PPARGC1A: variants seen among roughly 807,000 people sequenced by gnomAD.
The protein encoded by PPARGC1A is PPARG coactivator 1 alpha, also known as peroxisome proliferator-activated receptor gamma coactivator 1-alpha.
A neutral mutation model predicts 88.7 loss-of-function variants in PPARGC1A; 25 were observed. The ratio of observed to expected loss-of-function variants is 0.28; its 90% CI spans 0.21 to 0.39. The LOEUF (loss-of-function observed/expected upper bound fraction) is 0.39. PPARGC1A is among the 10% of genes least tolerant of loss of function. PPARGC1A has a pLI of 1.00. For synonymous variants in PPARGC1A, 363 were observed against 355.6 expected (o/e 1.02, Z -0.24); for missense variants, 880 against 968.7 (o/e 0.91, Z 1.22).
chr4:24,033,705 T>G, the PPARGC1A span, among the ~76,000 whole-genome samples: 2 of 152,206 alleles, frequency 1.3e-5, no homozygotes, highest in East Asian at 1.9e-4. Context: ...GAGTGGATGA[T>G]AGAGGGAAAA....
the PPARGC1A span, among the ~76,000 whole-genome samples, chr4:24,280,559 G>A: frequency 1.3e-5 from 2 of 152,158 alleles, no homozygotes; most frequent in African/African-American, 4.8e-5. Flanking sequence ...AAGGGAAGGA[G>A]AGAGGAAAGA....
the PPARGC1A span, among the ~76,000 whole-genome samples, chr4:24,236,907 G>C: frequency 6.6e-6 from 1 of 152,202 alleles, no homozygotes; most frequent in Non-Finnish European, 1.5e-5. Flanking sequence ...AGCGGGACTG[G>C]AAGGCCAATA....
chr4:24,004,325 T>C, the PPARGC1A span, among the ~76,000 whole-genome samples: 1 of 152,164 alleles, frequency 6.6e-6, no homozygotes, highest in Non-Finnish European at 1.5e-5. Flanking sequence ...AGAAGTGGCA[T>C]GAATGAACTG....
At chr4:24,114,635 A>G in the PPARGC1A span, among the ~76,000 whole-genome samples, 1 of 152,192 alleles carries the variant, frequency 6.6e-6, no homozygotes, top group South Asian at 2.1e-4. Flanking sequence ...CGCAGGGTTG[A>G]ATATATGGCT....
At chr4:24,006,491 G>A in the PPARGC1A span, among the ~76,000 whole-genome samples, 4 of 152,220 alleles carry the variant, frequency 2.6e-5, no homozygotes, top group Admixed American at 6.5e-5. Context: ...CTTAACATTG[G>A]CTCAAACCAT....
the PPARGC1A span, among the ~76,000 whole-genome samples, chr4:24,299,360 A>G: frequency 1.3e-5 from 2 of 152,166 alleles, no homozygotes; most frequent in African/African-American, 4.8e-5. Context: ...TATTAACATC[A>G]CAATGTTAAA....
At chr4:24,182,037 G>T in the PPARGC1A span, among the ~76,000 whole-genome samples, 14 of 152,128 alleles carry the variant, frequency 9.2e-5, no homozygotes, top group African/African-American at 3.4e-4. Flanking sequence ...GAACGTGCAG[G>T]TTTTTGCATA....
At chr4:24,449,251 A>C in the PPARGC1A span, among the ~76,000 whole-genome samples, 1 of 152,172 alleles carries the variant, frequency 6.6e-6, no homozygotes, top group Non-Finnish European at 1.5e-5. Flanking sequence ...GATGGATTTG[A>C]GGGTCTTCTA....
the PPARGC1A span, among the ~76,000 whole-genome samples, chr4:24,425,291 C>T: frequency 6.6e-6 from 1 of 152,132 alleles, no homozygotes; most frequent in South Asian, 2.1e-4. Flanking sequence ...CACATTATAA[C>T]ATAATAGCCA....
At chr4:24,403,200 C>A in the PPARGC1A span, among the ~76,000 whole-genome samples, 7 of 152,172 alleles carry the variant, frequency 4.6e-5, no homozygotes, top group East Asian at 1.3e-3. Context: ...ATGCCACTCT[C>A]CCACCTCCCA....
At chr4:23,892,887 C>G (rs1420969096), upstream of PPARGC1A, among the ~76,000 whole-genome samples, 1 of 152,076 alleles carries the variant, frequency 6.6e-6, no homozygotes, top group Non-Finnish European at 1.5e-5. Context: ...TATGAAAAAC[C>G]AACGTCACTT....
the PPARGC1A span, among the ~76,000 whole-genome samples, chr4:24,270,165 A>G: frequency 6.6e-6 from 1 of 152,146 alleles, no homozygotes; most frequent in South Asian, 2.1e-4. Context: ...AATTTACACC[A>G]TCTGCTATCT....
chr4:24,241,793 G>T, the PPARGC1A span, among the ~76,000 whole-genome samples: 2 of 152,202 alleles, frequency 1.3e-5, no homozygotes, highest in Admixed American at 1.3e-4. Context: ...TTTATAAATA[G>T]TACTCTGCTT....
the PPARGC1A span, among the ~76,000 whole-genome samples, chr4:23,946,480 G>A: frequency 4.6e-5 from 7 of 151,978 alleles, no homozygotes; most frequent in South Asian, 4.1e-4. Context: ...ATGGCCTCGC[G>A]CTGCTACAAA....
At chr4:24,003,302 A>G in the PPARGC1A span, among the ~76,000 whole-genome samples, 2 of 152,320 alleles carry the variant, frequency 1.3e-5, no homozygotes, top group South Asian at 2.1e-4. Context: ...CTGAAAGGGA[A>G]AATACCAAGG....
chr4:23,903,611 A>G (rs1391619987), upstream of PPARGC1A, among the ~76,000 whole-genome samples: 1 of 152,152 alleles, frequency 6.6e-6, no homozygotes, highest in Non-Finnish European at 1.5e-5. Flanking sequence ...TTCCTTAAGG[A>G]GCTACATTTA....
At chr4:24,158,639 A>C in the PPARGC1A span, among the ~76,000 whole-genome samples, 2 of 152,200 alleles carry the variant, frequency 1.3e-5, no homozygotes, top group Non-Finnish European at 2.9e-5. Flanking sequence ...CCAATTCCTC[A>C]TTATCTCTGG....
chr4:24,149,329 G>A, the PPARGC1A span, among the ~76,000 whole-genome samples: 12 of 151,718 alleles, frequency 7.9e-5, no homozygotes, highest in Non-Finnish European at 1.6e-4. Context: ...CAAAACCAAA[G>A]TAAGCAGTAT....
intron 2 of PPARGC1A, among the ~76,000 whole-genome samples, chr4:23,873,060 G>A (rs1429803309): frequency 6.6e-6 from 1 of 151,844 alleles, no homozygotes; most frequent in Non-Finnish European, 1.5e-5. Context: ...CAGTCATGGT[G>A]GCAGGCACCT....
Sources: allele counts gnomAD v4.1 joint callset (sites outside exome capture counted in the v4.1 genomes callset), GRCh38; gene constraint gnomAD v4.1.1; transcripts MANE v1.5; gene names NCBI Gene and HGNC (gene_info 2026-07-23, HGNC 2026-07-21).